ADAMTSL3: variants seen among roughly 807,000 people sequenced by gnomAD.
ADAMTSL3 encodes the protein ADAMTS-like protein 3.
Under a neutral mutation model 201.7 loss-of-function variants are expected in ADAMTSL3, and 128 were observed. That is an observed-to-expected ratio of 0.63 (90% CI 0.55 to 0.73). The LOEUF (loss-of-function observed/expected upper bound fraction) is 0.73, where lower values mean the gene tolerates loss of function less well. Ranked by LOEUF, ADAMTSL3 falls within the 30% of genes least tolerant of loss-of-function variation. ADAMTSL3 has a pLI of 0.00. For synonymous variants in ADAMTSL3, 738 were observed against 748.4 expected, an observed-to-expected ratio of 0.99 and a Z score of 0.23; for missense variants, 1,990 against 2,119.6, an observed-to-expected ratio of 0.94 and a Z score of 1.20.
intron 6 of ADAMTSL3, among the ~76,000 whole-genome samples, chr15:83,824,493 A>G (rs915066893): frequency 2.6e-5 from 4 of 152,214 alleles, no homozygotes; most frequent in Non-Finnish European, 5.9e-5. Flanking sequence ...ATAATCACCC[A>G]AAGTTCATAG....
Position 83,913,286 on chromosome 15 carries a change from G to A in ADAMTSL3, c.1895G>A (p.Arg632Gln), listed in dbSNP as rs765261607. The change falls in exon 16 of 30, where the codon CGA (arginine) becomes CAA (glutamine). Residue 632 changes from arginine to glutamine, a missense_variant. Transcript: ENST00000286744. The stretch of plus-strand genomic sequence containing the variant: ...GCATGTGATGAGAGCCCGGCCTCCC[G>A]AGAGCTAGACATCCCTCTCCCTGAG... Reference protein sequence around the residue: ...LEACDESPASRELDIPLPEDS... With the variant: ...LEACDESPASQELDIPLPEDS... The A allele has an allele frequency of 7.4e-6, 12 of 1,613,954 alleles. No individual in the cohort carries two copies. Among genetic ancestry groups the A allele is most frequent in the South Asian group, 1.1e-5 (1 of 91,064 alleles).
chr15:83,867,051 T>C (rs1295179432), intron 8 of ADAMTSL3, among the ~76,000 whole-genome samples: 2 of 152,346 alleles, frequency 1.3e-5, no homozygotes, highest in East Asian at 3.9e-4. Context: ...AATATCTAAA[T>C]ATAGAAGTGG....
intron 17 of ADAMTSL3, among the ~76,000 whole-genome samples, chr15:83,926,009 T>C (rs2066238941): frequency 2.0e-5 from 3 of 152,208 alleles, no homozygotes; most frequent in Non-Finnish European, 4.4e-5. Flanking sequence ...ACTGTTTTCT[T>C]AAATTTAATC....
chr15:83,765,270 G>A (rs889505658), intron 3 of ADAMTSL3, among the ~76,000 whole-genome samples: 9 of 152,170 alleles, frequency 5.9e-5, no homozygotes, highest in African/African-American at 2.2e-4. Context: ...AGACCTTAAG[G>A]TAGTATTAAC....
At chr15:83,680,236 AG>A (rs2061459164) in intron 2 of ADAMTSL3, among the ~76,000 whole-genome samples, 1 of 152,074 alleles carries the variant, frequency 6.6e-6, no homozygotes. Flanking sequence ...GGAATGTGAA[AG>A]GAAAACCCAG....
chr15:83,704,343 G>A (rs762262868), intron 2 of ADAMTSL3, 46 bp from the exon 3 acceptor site: 2 of 1,613,514 alleles, frequency 1.2e-6, no homozygotes, highest in East Asian at 4.5e-5. Flanking sequence ...CTGTCAGGGG[G>A]TCCTTACTGG....
chr15:83,692,685 C>CAAAAAAA (rs766382952), intron 2 of ADAMTSL3, among the ~76,000 whole-genome samples: 3 of 43,296 alleles, frequency 6.9e-5, no homozygotes, highest in Admixed American at 2.5e-4. Flanking sequence ...GACTCCATCT[C>CAAAAAAA]AAAAAAAAAA....
intron 2 of ADAMTSL3, among the ~76,000 whole-genome samples, chr15:83,661,609 T>C (rs1306458808): frequency 6.6e-6 from 1 of 152,222 alleles, no homozygotes; most frequent in Non-Finnish European, 1.5e-5. Context: ...ATAAGAATGC[T>C]TGTGATTTTT....
At chr15:83,991,631 G>A (rs565740523) in intron 23 of ADAMTSL3, among the ~76,000 whole-genome samples, 4 of 152,220 alleles carry the variant, frequency 2.6e-5, no homozygotes, top group Non-Finnish European at 5.9e-5. Flanking sequence ...AGCTACACTT[G>A]GCAAAGCCAG....
intron 7 of ADAMTSL3, among the ~76,000 whole-genome samples, chr15:83,856,345 A>G (rs1391507610): frequency 4.0e-5 from 6 of 151,518 alleles, no homozygotes; most frequent in African/African-American, 1.5e-4. Flanking sequence ...AAAAAAAATT[A>G]TAAAATTTTT....
At chr15:83,914,504 C>T (rs541977457) in intron 16 of ADAMTSL3, among the ~76,000 whole-genome samples, 25 of 152,356 alleles carry the variant, frequency 1.6e-4, no homozygotes, top group Admixed American at 3.9e-4. Flanking sequence ...GCAGTAAACC[C>T]GGCTAAAGTG....
At chr15:83,836,748 T>C (rs1457024440) in intron 6 of ADAMTSL3, among the ~76,000 whole-genome samples, 1 of 152,208 alleles carries the variant, frequency 6.6e-6, no homozygotes, top group African/African-American at 2.4e-5. Context: ...GAAGTATATA[T>C]TGGTATTATT....
At chr15:83,862,761 A>T (rs1240040182) in intron 8 of ADAMTSL3, 3 of 152,326 alleles carry the variant, frequency 2.0e-5, no homozygotes, top group Admixed American at 2.0e-4. Context: ...TCAAATTCAC[A>T]CATAACAATA....
At chr15:83,715,138 G>A (rs2061999516) in intron 3 of ADAMTSL3, among the ~76,000 whole-genome samples, 1 of 152,102 alleles carries the variant, frequency 6.6e-6, no homozygotes, top group Non-Finnish European at 1.5e-5. Flanking sequence ...CTGTGGGGAT[G>A]CTGCATCATG....
intron 5 of ADAMTSL3, among the ~76,000 whole-genome samples, chr15:83,812,192 C>T (rs1056551155): frequency 2.0e-5 from 3 of 152,102 alleles, no homozygotes; most frequent in East Asian, 1.9e-4. Flanking sequence ...TCAAAATATC[C>T]ACCTCACCAT....
At chr15:83,852,203 C>T (rs2064631431) in intron 7 of ADAMTSL3, among the ~76,000 whole-genome samples, 1 of 151,254 alleles carries the variant, frequency 6.6e-6, no homozygotes, top group Non-Finnish European at 1.5e-5. Context: ...ACCCCCGCCT[C>T]CTGGGTTCAA....
rs148020587 is a variant in ADAMTSL3 at position 83,923,985 on chromosome 15, G to A, written c.2069G>A (p.Arg690His). 167 of 1,613,904 alleles carry A rather than the reference G, an allele frequency of 1.0e-4. No individual in the cohort carries two copies. Among genetic ancestry groups the A allele is most frequent in the Non-Finnish European group, 1.3e-4 (154 of 1,179,990 alleles). ...VNDSLCDMVH[R>H]PPAMSQACNT... ...GACAGCTTGTGTGATATGGTCCACCGTCCTCCAGCCATGAGCCAGGCCTGT... is the reference window on the plus strand; with the variant it reads ...GACAGCTTGTGTGATATGGTCCACCATCCTCCAGCCATGAGCCAGGCCTGT... The change falls in exon 17 of 30, where the codon CGT becomes CAT. Residue 690 changes from arginine to histidine, a missense_variant. Transcript: ENST00000286744.
intron 3 of ADAMTSL3, among the ~76,000 whole-genome samples, chr15:83,759,468 G>A (rs1008336051): frequency 3.9e-5 from 6 of 152,142 alleles, no homozygotes; most frequent in African/African-American, 7.2e-5. Flanking sequence ...CTCATGATCC[G>A]CCTGCCTTGG....
At chr15:83,833,324 C>CT in intron 6 of ADAMTSL3, among the ~76,000 whole-genome samples, 1 of 152,162 alleles carries the variant, frequency 6.6e-6, no homozygotes, top group Non-Finnish European at 1.5e-5. Context: ...TGAGGGTCTG[C>CT]TCCCTGCCTC....
Sources: allele counts gnomAD v4.1 joint callset (sites outside exome capture counted in the v4.1 genomes callset), GRCh38; gene constraint gnomAD v4.1.1; transcripts MANE v1.5; gene names NCBI Gene and HGNC (gene_info 2026-07-23, HGNC 2026-07-21).